UBE2E2: variants seen among roughly 807,000 people sequenced by gnomAD.
The protein encoded by UBE2E2 is ubiquitin-conjugating enzyme E2 E2.
Under a neutral mutation model 24.7 loss-of-function variants are expected in UBE2E2, and 6 were observed. The observed-to-expected ratio is 0.24, with a 90% CI of 0.13 to 0.48. The LOEUF is 0.48. Ranked by LOEUF, UBE2E2 falls within the 20% of genes least tolerant of loss-of-function variation. The pLI, the probability that UBE2E2 is intolerant of heterozygous loss-of-function variation, is 0.99. For synonymous variants in UBE2E2, 104 were observed against 83.6 expected, an observed-to-expected ratio of 1.24 and a Z score of -1.33; for missense variants, 169 against 245.0, an observed-to-expected ratio of 0.69 and a Z score of 2.07.
At chr3:23,530,133 T>C (rs1392807869) in intron 4 of UBE2E2, among the ~76,000 whole-genome samples, 1 of 152,254 alleles carries the variant, frequency 6.6e-6, no homozygotes, top group African/African-American at 2.4e-5. Flanking sequence ...ATGGTCTTAA[T>C]AATGTCAATT....
chr3:23,272,017 G>A (rs1033151800), intron 3 of UBE2E2, among the ~76,000 whole-genome samples: 4 of 152,168 alleles, frequency 2.6e-5, no homozygotes, highest in African/African-American at 4.8e-5. Flanking sequence ...CACCAGTCCC[G>A]CACGGCGCCT....
At chr3:23,582,671 A>T (rs764724635) in intron 5 of UBE2E2, among the ~76,000 whole-genome samples, 1 of 151,864 alleles carries the variant, frequency 6.6e-6, no homozygotes, top group African/African-American at 2.4e-5. Context: ...ATTTTTTCCT[A>T]TGCTTGTTGG....
intron 3 of UBE2E2, among the ~76,000 whole-genome samples, chr3:23,381,632 AAT>A (rs1355666443): frequency 6.6e-6 from 1 of 152,126 alleles, no homozygotes; most frequent in Non-Finnish European, 1.5e-5. Context: ...GAATTATGTT[AAT>A]ATTAGGAAGG....
intron 3 of UBE2E2, among the ~76,000 whole-genome samples, chr3:23,495,780 A>G (rs1455674846): frequency 1.3e-5 from 2 of 152,180 alleles, no homozygotes; most frequent in Non-Finnish European, 2.9e-5. Flanking sequence ...TCTATGCCTC[A>G]TTGCCAGCCT....
chr3:23,389,012 A>G (rs1469745204), intron 3 of UBE2E2, among the ~76,000 whole-genome samples: 2 of 148,976 alleles, frequency 1.3e-5, no homozygotes, highest in Non-Finnish European at 2.9e-5. Flanking sequence ...CAAAAAAAAA[A>G]AAAAAAGAAA....
At chr3:23,347,944 A>G (rs952173091) in intron 3 of UBE2E2, among the ~76,000 whole-genome samples, 4 of 152,136 alleles carry the variant, frequency 2.6e-5, no homozygotes, top group Non-Finnish European at 5.9e-5. Flanking sequence ...GTGGTAGGCT[A>G]TAATAAACTC....
Position 23,344,030 on chromosome 3 carries a change from A to G in UBE2E2, c.227+126718A>G, listed in dbSNP as rs145328411. On this transcript the variant is annotated intron_variant, in intron 3 of 5. Coordinates refer to ENST00000396703, the MANE Select transcript of UBE2E2 (RefSeq NM_152653.4). The stretch of plus-strand genomic sequence containing the variant: ...ATTTTAAAAACCAGAAATATCAACT[A>G]AATCTAGTTTTCAAGTGAACTCTCT... Among the ~76,000 whole-genome samples, 5 of 152,332 alleles carry G rather than the reference A, an allele frequency of 3.3e-5. No individual in the cohort carries two copies. The East Asian group carries it at 9.6e-4, about 29-fold the overall frequency.
chr3:23,265,180 G>A (rs78217604), intron 3 of UBE2E2, among the ~76,000 whole-genome samples: 1,930 of 152,210 alleles, frequency 0.013, 43 homozygotes, highest in African/African-American at 0.043. Flanking sequence ...AAGAAGGAAC[G>A]AATGGAGAAG....
chr3:23,253,782 T>A (rs539755827), intron 3 of UBE2E2, among the ~76,000 whole-genome samples: 3 of 152,274 alleles, frequency 2.0e-5, no homozygotes, highest in African/African-American at 7.2e-5. Context: ...AGGTATATAG[T>A]AGTATGAAAA....
intron 5 of UBE2E2, among the ~76,000 whole-genome samples, chr3:23,573,099 T>C (rs988081451): frequency 1.3e-5 from 2 of 152,168 alleles, no homozygotes; most frequent in African/African-American, 4.8e-5. Context: ...TATCAAACCC[T>C]ACTATAAAGC....
At chr3:23,363,135 T>C (rs1237900581) in intron 3 of UBE2E2, among the ~76,000 whole-genome samples, 1 of 152,224 alleles carries the variant, frequency 6.6e-6, no homozygotes, top group Non-Finnish European at 1.5e-5. Context: ...CTTTACAAGA[T>C]GTCTTGAAGG....
intron 3 of UBE2E2, among the ~76,000 whole-genome samples, chr3:23,275,554 T>G (rs1039804618): frequency 6.6e-6 from 1 of 152,228 alleles, no homozygotes. Context: ...AGATGATTTA[T>G]ATTTTAAAAA....
intron 3 of UBE2E2, among the ~76,000 whole-genome samples, chr3:23,319,430 G>A (rs1289344621): frequency 6.6e-6 from 1 of 152,042 alleles, no homozygotes; most frequent in Non-Finnish European, 1.5e-5. Flanking sequence ...GCTATGTTTT[G>A]TTTTCATTTT....
At chr3:23,440,310 G>C (rs1426638119) in intron 3 of UBE2E2, among the ~76,000 whole-genome samples, 1 of 152,150 alleles carries the variant, frequency 6.6e-6, no homozygotes, top group African/African-American at 2.4e-5. Flanking sequence ...GTCTCACTAT[G>C]TTGCCCAGGC....
intron 3 of UBE2E2, among the ~76,000 whole-genome samples, chr3:23,447,855 A>G (rs990738121): frequency 3.9e-5 from 6 of 152,182 alleles, no homozygotes; most frequent in African/African-American, 1.2e-4. Context: ...TCAATGAAAT[A>G]TGGTATTACA....
chr3:23,377,292 G>C (rs759721996), intron 3 of UBE2E2, among the ~76,000 whole-genome samples: 2 of 152,172 alleles, frequency 1.3e-5, no homozygotes, highest in Non-Finnish European at 2.9e-5. Context: ...ACTGAAGCAA[G>C]ACTAGCTGTG....
chr3:23,568,618 CACAT>C (rs1406321358), intron 5 of UBE2E2, among the ~76,000 whole-genome samples: 1 of 1,378 alleles, frequency 7.3e-4, no homozygotes. Context: ...TATATACACA[CACAT>C]ATATATATGT....
intron 3 of UBE2E2, among the ~76,000 whole-genome samples, chr3:23,309,846 C>A (rs998634538): frequency 6.6e-6 from 1 of 152,020 alleles, no homozygotes; most frequent in Admixed American, 6.6e-5. Context: ...ATAGATCTCT[C>A]CACAGGTTAC....
chr3:23,377,459 T>C (rs969785224), intron 3 of UBE2E2, among the ~76,000 whole-genome samples: 1 of 152,234 alleles, frequency 6.6e-6, no homozygotes, highest in Admixed American at 6.5e-5. Context: ...GATCAAAGTT[T>C]GCAGGATTTG....
Sources: gnomAD v4.1 joint callset for allele counts (sites outside exome capture counted in the v4.1 genomes callset) on GRCh38, gnomAD v4.1.1 for gene constraint, MANE v1.5 for transcripts, NCBI Gene and HGNC (gene_info 2026-07-23, HGNC 2026-07-21) for gene names.